The following PEMT variants were observed in gnomAD, a reference collection of about 807,000 sequenced individuals.
PEMT encodes the protein phospholipid methyltransferase.
PEMT carries 23 observed loss-of-function variants against 27.4 expected under a neutral mutation model. The observed-to-expected ratio is 0.84, with a 90% CI of 0.60 to 1.19. The LOEUF (loss-of-function observed/expected upper bound fraction) is 1.19, where lower values mean the gene tolerates loss of function less well. PEMT is among the 50% of genes most tolerant of loss of function. PEMT has a pLI of 0.00. For missense variants in PEMT, 307 were observed against 310.1 expected, an observed-to-expected ratio of 0.99 and a Z score of 0.07; for synonymous variants, 137 against 139.1, an observed-to-expected ratio of 0.98 and a Z score of 0.11.
intron 2 of PEMT, 43 bp from the exon 3 acceptor site, chr17:17,522,438 A>T: frequency 5.9e-5 from 67 of 1,145,112 alleles, no homozygotes; most frequent in Non-Finnish European, 7.4e-5. Context: ...TTTCCTGGGG[A>T]GACTCCAGGG....
intron 2 of PEMT, among the ~76,000 whole-genome samples, chr17:17,563,272 G>A (rs888546754): frequency 2.0e-5 from 3 of 152,190 alleles, no homozygotes; most frequent in Non-Finnish European, 2.9e-5. Context: ...CTGACCTCAG[G>A]TACATGGGGC....
At chr17:17,536,635 G>C (rs1287869817) in intron 2 of PEMT, among the ~76,000 whole-genome samples, 1 of 152,232 alleles carries the variant, frequency 6.6e-6, no homozygotes, top group Non-Finnish European at 1.5e-5. Flanking sequence ...TGGCTCCTGT[G>C]GGTTTGAGCA....
intron 3 of PEMT, among the ~76,000 whole-genome samples, chr17:17,514,485 TGGCAGAGGCG>T (rs1234376737): frequency 6.6e-6 from 1 of 152,210 alleles, no homozygotes; most frequent in Non-Finnish European, 1.5e-5. Flanking sequence ...CAGGACCCGG[TGGCAGAGGCG>T]GGCACACCGA....
At chr17:17,564,722 G>A (rs190101742) in intron 2 of PEMT, among the ~76,000 whole-genome samples, 111 of 152,330 alleles carry the variant, frequency 7.3e-4, no homozygotes, top group African/African-American at 2.4e-3. Context: ...AAGGGGGACA[G>A]TGCCTAGCAG....
At chr17:17,562,539 G>A (rs1029725234) in intron 2 of PEMT, among the ~76,000 whole-genome samples, 5 of 152,234 alleles carry the variant, frequency 3.3e-5, no homozygotes, top group South Asian at 2.1e-4. Context: ...GGCCGGGCAC[G>A]GTGGCTCACC....
intron 3 of PEMT, among the ~76,000 whole-genome samples, chr17:17,521,024 C>A (rs1198799871): frequency 6.6e-6 from 1 of 152,260 alleles, no homozygotes; most frequent in Non-Finnish European, 1.5e-5. Flanking sequence ...CATTCGCAGG[C>A]CCCTTCCTGT....
intron 2 of PEMT, among the ~76,000 whole-genome samples, chr17:17,556,793 C>T (rs998491188): frequency 9.2e-5 from 14 of 152,182 alleles, no homozygotes; most frequent in African/African-American, 3.1e-4. Context: ...GGTTAAAATG[C>T]CCTTTGTCTG....
chr17:17,590,046 C>A (rs1043498646), intron 1 of PEMT, among the ~76,000 whole-genome samples: 15 of 150,322 alleles, frequency 1.0e-4, no homozygotes, highest in South Asian at 2.2e-4. Flanking sequence ...TTCTGCCCCC[C>A]CTTCTACATG....
At position 17,526,743 on chromosome 17, in the gene PEMT, C is replaced by T. The variant is rs755812585; in HGVS notation, c.205-4348G>A. ...GTGCTATTCTTGGTGTCCTTGGACT[C>T]AGAGGTTGTAACTGGCAGCCCAAGA... is the stretch of plus-strand genomic sequence containing the variant. On this transcript the variant is annotated intron_variant, in intron 2 of 6. Coordinates refer to ENST00000255389, the MANE Select transcript of PEMT (RefSeq NM_148172.3). 7.9e-5 allele frequency among the ~76,000 whole-genome samples: 12 copies of T among 152,358 alleles called. 1 individual carries two copies. The highest frequency in any genetic ancestry group is 1.5e-4 in the Non-Finnish European group (10 of 68,042).
At chr17:17,569,308 CAT>C (rs1428914438) in intron 2 of PEMT, among the ~76,000 whole-genome samples, 1 of 152,190 alleles carries the variant, frequency 6.6e-6, no homozygotes, top group Admixed American at 6.5e-5. Context: ...CTCTGGAGCA[CAT>C]GTGCAGGAGC....
At chr17:17,518,254 G>T in intron 3 of PEMT, 3 of 706,770 alleles carry the variant, frequency 4.2e-6, no homozygotes, top group Non-Finnish European at 5.2e-6. Context: ...GTCCTGTGAA[G>T]CCCGTTCGAG....
At chr17:17,564,848 A>G (rs906906968) in intron 2 of PEMT, among the ~76,000 whole-genome samples, 3 of 152,204 alleles carry the variant, frequency 2.0e-5, no homozygotes, top group East Asian at 1.9e-4. Flanking sequence ...TGCCCTGGCC[A>G]GGGAGGGCCT....
Position 17,512,694 on chromosome 17 carries a change from G to A in PEMT, c.321-40C>T. The A allele has an allele frequency of 6.8e-7, 1 of 1,461,664 alleles. No individual in the cohort carries two copies. Among genetic ancestry groups the A allele is most frequent in the Non-Finnish European group, 9.1e-7 (1 of 1,096,118 alleles). 90.5% of individuals were successfully genotyped at this position (1,461,664 alleles called of 1,614,324 possible). A position where few individuals can be genotyped will look rare whatever the true frequency, so the allele number is the denominator to read the frequency against. ...TGGAGAGGGAGGACGTCATGGCCAG[G>A]GAGGATGTCACAGCCCGGGAGGAGG... On this transcript the variant is annotated intron_variant, in intron 3 of 6. Transcript: ENST00000255389. The surrounding 1 kb of genome is among the most constrained non-coding windows in gnomAD (Gnocchi z 6.3).
At chr17:17,547,186 A>G (rs1909317531) in intron 2 of PEMT, among the ~76,000 whole-genome samples, 1 of 152,278 alleles carries the variant, frequency 6.6e-6, no homozygotes, top group African/African-American at 2.4e-5. Context: ...CTGCTGAGGC[A>G]GAGAGAAATA....
At chr17:17,574,833 T>C (rs1911470230) in intron 2 of PEMT, among the ~76,000 whole-genome samples, 1 of 152,166 alleles carries the variant, frequency 6.6e-6, no homozygotes, top group Admixed American at 6.5e-5. Context: ...TGACTGCTGG[T>C]CAACGTCAGG....
rs559935865 is a variant in PEMT at position 17,565,756 on chromosome 17, G to A, written c.204+11164C>T. On this transcript the variant is annotated intron_variant, in intron 2 of 6. Coordinates refer to ENST00000255389, the MANE Select transcript of PEMT (RefSeq NM_148172.3). ...CCGCACTTCTGGAGAGAAAGGGGCC[G>A]CCAGCTACAGAAGTACTCTCCAAGA... Among the ~76,000 whole-genome samples the A allele has an allele frequency of 3.3e-5, 5 of 152,372 alleles. No homozygotes were observed. The East Asian group carries it at 5.8e-4, about 18-fold the overall frequency.
At chr17:17,574,095 C>T (rs1276011970) in intron 2 of PEMT, among the ~76,000 whole-genome samples, 1 of 152,010 alleles carries the variant, frequency 6.6e-6, no homozygotes, top group Non-Finnish European at 1.5e-5. Flanking sequence ...GGATACTCTC[C>T]CCGGCAGCAG....
chr17:17,567,170 G>A (rs984107446), intron 2 of PEMT, among the ~76,000 whole-genome samples: 12 of 152,236 alleles, frequency 7.9e-5, no homozygotes, highest in African/African-American at 2.9e-4. Context: ...GGAAGAGATC[G>A]GCTCAGTGGG....
intron 2 of PEMT, among the ~76,000 whole-genome samples, chr17:17,536,024 G>A (rs112598555): frequency 0.024 from 3,612 of 152,264 alleles, 54 homozygotes; most frequent in Middle Eastern, 0.044. Flanking sequence ...TTCTGCCACT[G>A]TCTCCCCAAG....
Sources: gnomAD v4.1 joint callset for allele counts (sites outside exome capture counted in the v4.1 genomes callset) on GRCh38, gnomAD v4.1.1 for gene constraint, Gnocchi (gnomAD v3.1) non-coding constraint, MANE v1.5 for transcripts, NCBI Gene and HGNC (gene_info 2026-07-23, HGNC 2026-07-21) for gene names.